AGRN: variants seen among roughly 807,000 people sequenced by gnomAD.
AGRN encodes the protein agrin proteoglycan.
In AGRN, 106 loss-of-function variants were observed where a neutral mutation model predicts 211.0. That is an observed-to-expected ratio of 0.50 (90% CI 0.43 to 0.59). The LOEUF is 0.59. Among genes scored for constraint, AGRN ranks in the 20% least tolerant of loss-of-function variants. The pLI is 0.00. For synonymous variants in AGRN, 1,525 were observed against 1,332.5 expected (o/e 1.14, Z -3.15); for missense variants, 3,040 against 2,982.6 (o/e 1.02, Z -0.45).
Position 1,055,065 on chromosome 1 carries a change from G to T in AGRN, c.*84G>T. 1.3e-6 allele frequency: 2 copies of T among 1,529,162 alleles called. No individual in the cohort carries two copies. Among genetic ancestry groups the T allele is most frequent in the African/African-American group, 2.7e-5 (2 of 72,916 alleles). 94.7% of individuals were successfully genotyped at this position (1,529,162 alleles called of 1,614,324 possible). On this transcript the variant is annotated 3_prime_UTR_variant, in exon 36 of 36. Coordinates refer to ENST00000379370, the MANE Select transcript of AGRN (RefSeq NM_198576.4). ...TTTTTGATATGATTTTCTTGCCTGA[G>T]TGTTGGCCGGAGGGACTGCTGGCCC...
At position 1,049,961 on chromosome 1, in the gene AGRN, G is replaced by T. The variant is rs527291702; in HGVS notation, c.4803G>T (p.Ala1601=). The T allele has an allele frequency of 3.1e-6, 5 of 1,612,032 alleles. No homozygotes were observed. The East Asian group carries it at 8.9e-5, about 29-fold the overall frequency. ...PCQPNPCHGA[A]PCRVLPEGGA... Reference sequence around the variant, plus strand: ...AGCCCAACCCCTGCCATGGGGCGGCGCCCTGCCGTGTGCTGCCCGAGGGTG... The same window carrying T: ...AGCCCAACCCCTGCCATGGGGCGGCTCCCTGCCGTGTGCTGCCCGAGGGTG... Residue 1601 remains alanine (A), a synonymous_variant, in exon 27 of 36, where the codon GCG becomes GCT. Coordinates refer to ENST00000379370, the MANE Select transcript of AGRN (RefSeq NM_198576.4).
chr1:1,052,453 C>T (rs1282460350), intron 33 of AGRN: 4 of 273,214 alleles, frequency 1.5e-5, no homozygotes, highest in Admixed American at 5.0e-5. Flanking sequence ...ACTATGCGGC[C>T]GTGTGTGTGC....
chr1:1,043,956 G>C lies in AGRN; in HGVS notation c.1932G>C (p.Glu644Asp). The change falls in exon 10 of 36, where the codon GAG (glutamate) becomes GAC (aspartate). Residue 644 changes from glutamate (E) to aspartate (D), a missense_variant. Physicochemically the swap from Glu to Asp is conservative, Grantham distance 45 (BLOSUM62 2). Coordinates refer to ENST00000379370, the MANE Select transcript of AGRN (RefSeq NM_198576.4). ...GTGTCACCTACGGCAGTGCCTGCGA[G>C]CTACGGGAAGCCGCCTGCCTCCAGC... ...SDGVTYGSAC[E>D]LREAACLQQT... 6.2e-7 allele frequency: 1 copy of C among 1,605,912 alleles called. No homozygotes were observed. Among genetic ancestry groups the C allele is most frequent in the South Asian group, 1.1e-5 (1 of 90,786 alleles).
intron 20 of AGRN, 35 bp downstream of exon 20, chr1:1,047,489 G>T (rs779985473): frequency 2.5e-6 from 4 of 1,612,760 alleles, no homozygotes; most frequent in Non-Finnish European, 3.4e-6. Context: ...CTACCCACTG[G>T]CCTTCCTCCC....
At chr1:1,053,480 G>A (rs896839224) in intron 33 of AGRN, 7 of 1,498,916 alleles carry the variant, frequency 4.7e-6, no homozygotes, top group East Asian at 2.7e-5. Context: ...TCTGGATTCC[G>A]GGGCCCTTCA....
At chr1:1,042,369 G>A (rs1044440078) in intron 7 of AGRN, among the ~76,000 whole-genome samples, 2 of 152,202 alleles carry the variant, frequency 1.3e-5, no homozygotes, top group African/African-American at 4.8e-5. Flanking sequence ...GCGGGGCCTT[G>A]TCCAGGCTCC....
At chr1:1,021,678 C>A (rs991927352) in intron 1 of AGRN, among the ~76,000 whole-genome samples, 13 of 152,354 alleles carry the variant, frequency 8.5e-5, no homozygotes, top group African/African-American at 2.9e-4. Flanking sequence ...GGGCACCCTG[C>A]ACTGCCCAAA....
chr1:1,055,288 C>G lies in AGRN; in HGVS notation c.*307C>G. 2.3e-6 allele frequency: 1 copy of G among 439,406 alleles called. No homozygotes were observed. The highest frequency in any genetic ancestry group is 2.1e-5 in the South Asian group (1 of 48,778). The allele number at this position is 439,406 out of a possible 1,614,324, so 27.2% of individuals were successfully genotyped here. A position where few individuals can be genotyped will look rare whatever the true frequency, so the allele number is the denominator to read the frequency against. On this transcript the variant is annotated 3_prime_UTR_variant, in exon 36 of 36. Coordinates refer to ENST00000379370, the MANE Select transcript of AGRN (RefSeq NM_198576.4). ...CGGGAAGCAGCCCCGGCTCCTGAAT[C>G]ACCCTCGCTCCGTCAGGCGGGACTC...
At chr1:1,026,935 C>T (rs1392306282) in intron 2 of AGRN, among the ~76,000 whole-genome samples, 1 of 152,334 alleles carries the variant, frequency 6.6e-6, no homozygotes, top group South Asian at 2.1e-4. Context: ...CCTGTGCGCC[C>T]CTCAGGCTGT....
chr1:1,050,373 G>A lies in AGRN; in HGVS notation c.4976+44G>A, dbSNP rs60267685. The A allele has an allele frequency of 2.2e-3, 3,624 of 1,612,680 alleles. 72 individuals are homozygous for A. In the African/African-American group the frequency reaches 0.042, roughly 19 times the overall value. On this transcript the variant is annotated intron_variant, in intron 28 of 35. Transcript: ENST00000379370. ...GGGGGAAGGGCCGGCCCCCACCTCC[G>A]TCTCTCCTGTGGGGAGGGGACAGCA...
In AGRN at chr1:1,031,790, G is replaced by A. The variant is rs568046700; in HGVS notation, c.464-3487G>A. Among the ~76,000 whole-genome samples the A allele has an allele frequency of 6.6e-6, 1 of 152,182 alleles. No homozygotes were observed. The highest frequency in any genetic ancestry group is 6.5e-5 in the Admixed American group (1 of 15,280). On this transcript the variant is annotated intron_variant, in intron 2 of 35. Coordinates refer to ENST00000379370, the MANE Select transcript of AGRN (RefSeq NM_198576.4). The surrounding 1 kb of genome is among the most constrained non-coding windows in gnomAD (Gnocchi z 4.8). Reference sequence around the variant, plus strand: ...TACCTGTCCTCCTCCTGCAGAGCCCGCCCAGAGATCCCATGGCTGAAGGTG... The same window carrying A: ...TACCTGTCCTCCTCCTGCAGAGCCCACCCAGAGATCCCATGGCTGAAGGTG...
intron 2 of AGRN, among the ~76,000 whole-genome samples, chr1:1,029,141 C>T (rs903368821): frequency 2.0e-5 from 3 of 151,812 alleles, no homozygotes; most frequent in East Asian, 1.9e-4. Flanking sequence ...CCCAGCCCCT[C>T]TGGGGCCTGC....
At position 1,022,299 on chromosome 1, in the gene AGRN, C is replaced by T. The variant is rs1644423690; in HGVS notation, c.300C>T (p.Pro100=). 2 of 1,613,334 alleles carry T rather than the reference C, an allele frequency of 1.2e-6. No homozygotes were observed. Among genetic ancestry groups the T allele is most frequent in the Non-Finnish European group, 1.7e-6 (2 of 1,180,018 alleles). ...TGGTGATCAGCGGCTTTGGAGACCCCCTCATCTGTGACAACCAGGTGTCCA... is the reference window on the plus strand; with the variant it reads ...TGGTGATCAGCGGCTTTGGAGACCCTCTCATCTGTGACAACCAGGTGTCCA... ...NKVVISGFGD[P]LICDNQVSTG... is the part of the protein sequence containing the mutation. The change falls in exon 2 of 36, where the codon CCC becomes CCT. Residue 100 remains proline (P), a synonymous_variant. Coordinates refer to ENST00000379370, the MANE Select transcript of AGRN (RefSeq NM_198576.4).
chr1:1,025,561 G>A (rs3121554), intron 2 of AGRN, among the ~76,000 whole-genome samples: 13 of 151,380 alleles, frequency 8.6e-5, no homozygotes, highest in Admixed American at 7.9e-4. Context: ...CAACTCCTCC[G>A]CATTCCTGCC....
At chr1:1,045,605 C>T in intron 14 of AGRN, 82 bp downstream of exon 14, 2 of 1,604,530 alleles carry the variant, frequency 1.2e-6, no homozygotes, top group Non-Finnish European at 1.7e-6. Context: ...CCTCACCTGC[C>T]CAGGCCCTGG....
Position 1,051,323 on chromosome 1 carries a change from C to T in AGRN, c.5324C>T (p.Ala1775Val). 1.3e-6 allele frequency: 2 copies of T among 1,568,992 alleles called. No individual in the cohort carries two copies. The highest frequency in any genetic ancestry group is 8.6e-7 in the Non-Finnish European group (1 of 1,157,746). Reference protein sequence around the residue: ...VGGAPDFSKLARAAAVSSGFD... With the variant: ...VGGAPDFSKLVRAAAVSSGFD... ...GGCGCTCCCGACTTCAGCAAGCTGG[C>T]CCGTGCTGCTGCCGTGTCCTCTGGC... The change falls in exon 31 of 36, where the codon GCC becomes GTC. Residue 1775 changes from alanine (A) to valine (V), a missense_variant. This residue lies in a region of AGRN where 1,537 missense variants were observed against 1,505.0 expected (regional missense o/e 1.02). Transcript: ENST00000379370.
At position 1,041,988 on chromosome 1, in the gene AGRN, G is replaced by T. The variant is rs760885959; in HGVS notation, c.1210G>T (p.Val404Leu). 1.2e-6 allele frequency: 2 copies of T among 1,611,638 alleles called. No homozygotes were observed. Among genetic ancestry groups the T allele is most frequent in the South Asian group, 2.2e-5 (2 of 91,072 alleles). The stretch of plus-strand genomic sequence containing the variant: ...CCCGGAGCCCTGCCGGTTCAATGCC[G>T]TGTGCCTGTCCCGCCGTGGCCGTCC... ...QCPEPCRFNAVCLSRRGRPRC... is the reference protein window; with the variant it reads ...QCPEPCRFNALCLSRRGRPRC... Residue 404 changes from valine (V) to leucine (L), a missense_variant, in exon 7 of 36, where the codon GTG becomes TTG. Physicochemically the swap from Val to Leu is conservative, Grantham distance 32 (BLOSUM62 1). Coordinates refer to ENST00000379370, the MANE Select transcript of AGRN (RefSeq NM_198576.4).
At chr1:1,033,098 G>T (rs561620072) in intron 2 of AGRN, among the ~76,000 whole-genome samples, 2 of 152,176 alleles carry the variant, frequency 1.3e-5, no homozygotes, top group African/African-American at 4.8e-5. Context: ...TTCCCGGAAC[G>T]GCCTCTTGGG....
Position 1,050,783 on chromosome 1 carries a change from C to T in AGRN, c.5199C>T (p.Gly1733=), listed in dbSNP as rs1198068368. Residue 1733 remains glycine, a synonymous_variant, in exon 30 of 36, where the codon GGC becomes GGT. Transcript: ENST00000379370. ...AWTRVSLERN[G]RKGALRVGDG... ...CCAGGGTCTCACTGGAGCGAAACGG[C>T]CGCAAGGGTGCCCTGCGTGTGGGCG... 1 of 1,601,886 alleles carries T rather than the reference C, an allele frequency of 6.2e-7. No individual in the cohort carries two copies.
Sources: allele counts gnomAD v4.1 joint callset (sites outside exome capture counted in the v4.1 genomes callset), GRCh38; gene constraint gnomAD v4.1.1; regional missense constraint gnomAD v4.1.1; non-coding constraint Gnocchi (gnomAD v3.1); transcripts MANE v1.5; gene names NCBI Gene and HGNC (gene_info 2026-07-23, HGNC 2026-07-21).